Variants in CD101 observed in about 807,000 individuals in gnomAD.
CD101 encodes CD101 molecule, also known as immunoglobulin superfamily member 2.
In CD101, 76 loss-of-function variants were observed where a neutral mutation model predicts 98.2. The observed-to-expected ratio is 0.77, with a 90% CI of 0.64 to 0.94. The LOEUF (loss-of-function observed/expected upper bound fraction) is 0.94. Among genes scored for constraint, CD101 ranks in the 40% least tolerant of loss-of-function variants. CD101 has a pLI of 0.00. For missense variants in CD101, 1,145 were observed against 1,218.8 expected (o/e 0.94, Z 0.90); for synonymous variants, 471 against 472.7 (o/e 1.00, Z 0.05).
chr1:117,005,736 TACAA>T lies in CD101; in HGVS notation c.43+3880_43+3883del, dbSNP rs558193594. 2.1e-4 allele frequency among the ~76,000 whole-genome samples: 32 copies of T among 152,242 alleles called. No individual in the cohort carries two copies. The East Asian group carries it at 5.6e-3, about 27-fold the overall frequency. On this transcript the variant is annotated intron_variant, in intron 1 of 9. Coordinates refer to ENST00000682167, the MANE Select transcript of CD101 (RefSeq NM_001256106.3). This position sits in a 1 kb window ranked among gnomAD's most constrained non-coding sequence, Gnocchi z 4.4. ...CTAACAGTTCAGAACTCTCCCTAGTTACAAACAGACATTTACAGGAGCCAACAAG... is the reference window on the plus strand; with the variant it reads ...CTAACAGTTCAGAACTCTCCCTAGTTACAGACATTTACAGGAGCCAACAAG...
rs1193609775 is a variant in CD101, at chr1:117,006,967, T to A, written c.44-2883T>A. Among the ~76,000 whole-genome samples, 1 of 152,158 alleles carries A rather than the reference T, an allele frequency of 6.6e-6. No individual in the cohort carries two copies. Among genetic ancestry groups the A allele is most frequent in the Non-Finnish European group, 1.5e-5 (1 of 68,020 alleles). ...TCACAATAAAAATTTTCAAACGTGGTACCCATCTTGCTGAAAAGTGATGGG... is the reference window on the plus strand; with the variant it reads ...TCACAATAAAAATTTTCAAACGTGGAACCCATCTTGCTGAAAAGTGATGGG... On this transcript the variant is annotated intron_variant, in intron 1 of 9. Coordinates refer to ENST00000682167, the MANE Select transcript of CD101 (RefSeq NM_001256106.3). This position sits in a 1 kb window ranked among gnomAD's most constrained non-coding sequence, Gnocchi z 4.4.
rs778444825 is a variant in CD101 at position 117,019,655 on chromosome 1, G to C, written c.2017+1095G>C. Reference sequence around the variant, plus strand: ...GACTCGTCCCTACCCATGGATACAAGCTGTATGTTCACAACTCCCACATTC... The same window carrying C: ...GACTCGTCCCTACCCATGGATACAACCTGTATGTTCACAACTCCCACATTC... On this transcript the variant is annotated intron_variant, in intron 6 of 9. Transcript: ENST00000682167. This position sits in a 1 kb window ranked among gnomAD's most constrained non-coding sequence, Gnocchi z 4.3. Among the ~76,000 whole-genome samples the C allele has an allele frequency of 9.9e-5, 15 of 152,076 alleles. No individual in the cohort carries two copies. Among genetic ancestry groups the C allele is most frequent in the Non-Finnish European group, 2.1e-4 (14 of 68,018 alleles).
chr1:117,029,912 A>C (rs1399313178), intron 8 of CD101, among the ~76,000 whole-genome samples: 1 of 152,210 alleles, frequency 6.6e-6, no homozygotes, highest in Non-Finnish European at 1.5e-5. Context: ...TCAGTGACTA[A>C]GCTATGGCAG....
At chr1:117,024,412 G>A (rs978143543) in intron 7 of CD101, among the ~76,000 whole-genome samples, 1 of 152,204 alleles carries the variant, frequency 6.6e-6, no homozygotes, top group Non-Finnish European at 1.5e-5. Context: ...GGGAGGCAGA[G>A]GTTGCGGTGA....
rs1170468697 is a variant in CD101, at chr1:117,005,743, A to G, written c.43+3883A>G. 6.6e-6 allele frequency among the ~76,000 whole-genome samples: 1 copy of G among 152,216 alleles called. No individual in the cohort carries two copies. The highest frequency in any genetic ancestry group is 6.5e-5 in the Admixed American group (1 of 15,288). ...TTCAGAACTCTCCCTAGTTACAAAC[A>G]GACATTTACAGGAGCCAACAAGAAA... On this transcript the variant is annotated intron_variant, in intron 1 of 9. Coordinates refer to ENST00000682167, the MANE Select transcript of CD101 (RefSeq NM_001256106.3). The surrounding 1 kb of genome is among the most constrained non-coding windows in gnomAD (Gnocchi z 4.4).
chr1:117,006,101 A>G lies in CD101; in HGVS notation c.44-3749A>G, dbSNP rs1652511326. On this transcript the variant is annotated intron_variant, in intron 1 of 9. Transcript: ENST00000682167. The surrounding 1 kb of genome is among the most constrained non-coding windows in gnomAD (Gnocchi z 4.4). ...ATACACACAACAGTAACTCTTCCTA[A>G]TATCTGTATTTCTAGTCAGAGTATC... Among the ~76,000 whole-genome samples the G allele has an allele frequency of 6.6e-6, 1 of 152,054 alleles. No individual in the cohort carries two copies. The highest frequency in any genetic ancestry group is 6.6e-5 in the Admixed American group (1 of 15,252).
intron 8 of CD101, 51 bp downstream of exon 8, chr1:117,025,955 T>C (rs775902411): frequency 1.2e-5 from 18 of 1,532,410 alleles, no homozygotes; most frequent in Middle Eastern, 1.8e-4. Context: ...AATACATGGC[T>C]CTCCTCTTAT....
At chr1:117,024,494 A>AAAATAAAT (rs55950136) in intron 7 of CD101, among the ~76,000 whole-genome samples, 2,122 of 150,390 alleles carry the variant, frequency 0.014, 43 homozygotes, top group African/African-American at 0.049. Context: ...AAATAAAATA[A>AAAATAAAT]AAATAAATAA....
At position 117,022,524 on chromosome 1, in the gene CD101, G is replaced by C. The variant is rs1291624252; in HGVS notation, c.2428+541G>C. Among the ~76,000 whole-genome samples, 1 of 152,138 alleles carries C rather than the reference G, an allele frequency of 6.6e-6. No homozygotes were observed. The highest frequency in any genetic ancestry group is 1.5e-5 in the Non-Finnish European group (1 of 68,028). On this transcript the variant is annotated intron_variant, in intron 7 of 9. Transcript: ENST00000682167. The surrounding 1 kb of genome is among the most constrained non-coding windows in gnomAD (Gnocchi z 4.8). ...GGAGATCTTTAAAAATGTAATGGAA[G>C]TTCCGCACTGGTCTAAGAGTGCCAC...
At position 117,036,352 on chromosome 1, in the gene CD101, T is replaced by A. The variant is rs577145641; in HGVS notation, c.*218T>A. 3 of 152,374 alleles carry A rather than the reference T, an allele frequency of 2.0e-5. No individual in the cohort carries two copies. In the East Asian group the frequency reaches 5.8e-4, roughly 30 times the overall value. The allele number at this position is 152,374 out of a possible 1,614,324, so 9.4% of individuals were successfully genotyped here. A position where few individuals can be genotyped will look rare whatever the true frequency, so the allele number is the denominator to read the frequency against. On this transcript the variant is annotated 3_prime_UTR_variant, in exon 10 of 10. Transcript: ENST00000682167. This position sits in a 1 kb window ranked among gnomAD's most constrained non-coding sequence, Gnocchi z 5.0. ...CTTCATGACCGTAACATGTGACCTG[T>A]GTGCTGGCAGGACGACTCACTGCGG...
chr1:117,025,737 G>A lies in CD101; in HGVS notation c.2657G>A (p.Arg886His), dbSNP rs780745846. Residue 886 changes from arginine (R) to histidine (H), a missense_variant, in exon 8 of 10, where the codon CGT becomes CAT. Coordinates refer to ENST00000682167, the MANE Select transcript of CD101 (RefSeq NM_001256106.3). The part of the protein sequence containing the change: ...EGLRRHLHCY[R>H]SSSTDFVLKL... ...CTCAGGAGGCACCTGCACTGTTACC[G>A]TTCATCCTCTACAGACTTTGTCCTG... 1.7e-5 allele frequency: 27 copies of A among 1,614,056 alleles called. No homozygotes were observed. The highest frequency in any genetic ancestry group is 2.7e-5 in the African/African-American group (2 of 74,916).
chr1:117,011,901 A>G lies in CD101; in HGVS notation c.776A>G (p.Asp259Gly). Reference protein sequence around the residue: ...CEATEWIQDPDETWMFITKKQ... With the variant: ...CEATEWIQDPGETWMFITKKQ... ...GCAACGGAATGGATTCAGGATCCAG[A>G]TGAAACTTGGATGTTCATCACCAAA... is the stretch of plus-strand genomic sequence containing the variant. The change falls in exon 3 of 10, where the codon GAT becomes GGT. Residue 259 changes from aspartate to glycine, a missense_variant. Transcript: ENST00000682167. The G allele has an allele frequency of 1.9e-6, 3 of 1,614,168 alleles. No homozygotes were observed. Among genetic ancestry groups the G allele is most frequent in the East Asian group, 2.2e-5 (1 of 44,850 alleles).
Position 117,018,062 on chromosome 1 carries a change from T to C in CD101, c.1613-94T>C. Reference sequence around the variant, plus strand: ...AAACTCCAAATGTACAAATGCATGGTCCTAGTCAAAGAGGTGGCAACTAGA... The same window carrying C: ...AAACTCCAAATGTACAAATGCATGGCCCTAGTCAAAGAGGTGGCAACTAGA... On this transcript the variant is annotated intron_variant, in intron 5 of 9. Transcript: ENST00000682167. This position sits in a 1 kb window ranked among gnomAD's most constrained non-coding sequence, Gnocchi z 4.3. The C allele has an allele frequency of 9.5e-7, 1 of 1,047,890 alleles. No homozygotes were observed. The highest frequency in any genetic ancestry group is 2.6e-5 in the East Asian group (1 of 38,314). The allele number at this position is 1,047,890 out of a possible 1,614,324, so 64.9% of individuals were successfully genotyped here. A position where few individuals can be genotyped will look rare whatever the true frequency, so the allele number is the denominator to read the frequency against.
intron 7 of CD101, among the ~76,000 whole-genome samples, chr1:117,024,125 A>G (rs558201358): frequency 6.6e-6 from 1 of 152,352 alleles, no homozygotes; most frequent in Non-Finnish European, 1.5e-5. Context: ...GAGAGTAAAA[A>G]TGGTAACTAA....
chr1:117,030,476 GAGAA>G (rs1654389213), intron 8 of CD101, among the ~76,000 whole-genome samples: 1 of 151,748 alleles, frequency 6.6e-6, no homozygotes, highest in African/African-American at 2.4e-5. Context: ...AAAAGAGAGA[GAGAA>G]AGAGAAAGAG....
chr1:117,030,413 G>T (rs1383215593), intron 8 of CD101, among the ~76,000 whole-genome samples: 1 of 137,970 alleles, frequency 7.2e-6, no homozygotes, highest in Non-Finnish European at 1.6e-5. Flanking sequence ...CAAAGAGAGA[G>T]AGAGAGAAAG....
Position 117,034,124 on chromosome 1 carries a change from A to C in CD101, c.*23A>C. The C allele has an allele frequency of 6.2e-7, 1 of 1,612,556 alleles. No homozygotes were observed. Among genetic ancestry groups the C allele is most frequent in the East Asian group, 2.2e-5 (1 of 44,876 alleles). ...TGAATCCCAAGAGGCACCTGCAGCC[A>C]GGAAGGAAAGGTGGGGGCTTTTTAA... On this transcript the variant is annotated 3_prime_UTR_variant, in exon 9 of 10. Transcript: ENST00000682167.
intron 4 of CD101, among the ~76,000 whole-genome samples, chr1:117,014,183 CTTTGTGTG>C (rs944098110): frequency 1.8e-4 from 18 of 97,782 alleles, no homozygotes; most frequent in Non-Finnish European, 3.0e-4. Flanking sequence ...AGCCCTCTGC[CTTTGTGTG>C]TGTGTGTGTG....
Position 117,018,307 on chromosome 1 carries a change from C to T in CD101, c.1764C>T (p.Ile588=). The T allele has an allele frequency of 6.2e-7, 1 of 1,614,020 alleles. No homozygotes were observed. The highest frequency in any genetic ancestry group is 1.6e-4 in the Middle Eastern group (1 of 6,062). The change falls in exon 6 of 10, where the codon ATC becomes ATT. Residue 588 remains isoleucine, a synonymous_variant. Transcript: ENST00000682167. This position sits in a 1 kb window ranked among gnomAD's most constrained non-coding sequence, Gnocchi z 4.3. ...TWQFQPASSH[I]FHQLIRITHN... ...AGTTCCAGCCAGCTAGCTCTCACAT[C>T]TTCCACCAGCTTATTCGAATCACCC...
Sources: gnomAD v4.1 joint callset for allele counts (sites outside exome capture counted in the v4.1 genomes callset) on GRCh38, gnomAD v4.1.1 for gene constraint, Gnocchi (gnomAD v3.1) non-coding constraint, MANE v1.5 for transcripts, NCBI Gene and HGNC (gene_info 2026-07-23, HGNC 2026-07-21) for gene names.